DAGLA: variants seen among roughly 807,000 people sequenced by gnomAD.
DAGLA encodes diacylglycerol lipase alpha.
In DAGLA, 22 loss-of-function variants were observed where a neutral mutation model predicts 102.6. That is an observed-to-expected ratio of 0.21 (90% CI 0.15 to 0.31). The LOEUF (loss-of-function observed/expected upper bound fraction) is 0.31, where lower values mean the gene tolerates loss of function less well. DAGLA is among the 10% of genes least tolerant of loss of function. DAGLA has a pLI of 1.00. For missense variants in DAGLA, 927 were observed against 1,446.6 expected (o/e 0.64, Z 5.83); for synonymous variants, 578 against 628.9 (o/e 0.92, Z 1.21).
chr11:61,688,573 A>G lies in DAGLA; in HGVS notation c.-45+8069A>G, dbSNP rs72918050. Among the ~76,000 whole-genome samples, 373 of 152,222 alleles carry G rather than the reference A, an allele frequency of 2.5e-3. 3 individuals carry two copies. Among genetic ancestry groups the G allele is most frequent in the Non-Finnish European group, 3.4e-3 (233 of 68,008 alleles). The stretch of plus-strand genomic sequence containing the variant: ...GGCCCTGGTCTGTTGTCCTGGCTGG[A>G]TGAGCAGTGCCTGGGTCCTTGGAGG... On this transcript the variant is annotated intron_variant, in intron 1 of 19. Transcript: ENST00000257215.
intron 1 of DAGLA, among the ~76,000 whole-genome samples, chr11:61,704,414 C>A (rs2065133938): frequency 6.6e-6 from 1 of 152,216 alleles, no homozygotes; most frequent in Non-Finnish European, 1.5e-5. Flanking sequence ...GCCACTGTGC[C>A]CTGCCCGACC....
chr11:61,740,189 G>GGGC (rs1174684614), intron 17 of DAGLA, among the ~76,000 whole-genome samples: 3 of 152,232 alleles, frequency 2.0e-5, no homozygotes, highest in African/African-American at 7.2e-5. Flanking sequence ...CTGGTGAGCT[G>GGGC]GGCCGTGCAG....
At chr11:61,738,580 C>G (rs911081673) in intron 16 of DAGLA, among the ~76,000 whole-genome samples, 2 of 152,208 alleles carry the variant, frequency 1.3e-5, no homozygotes, top group African/African-American at 2.4e-5. Flanking sequence ...TCTGCCGAAG[C>G]CTCTGAGATT....
chr11:61,737,556 C>A, intron 14 of DAGLA, 131 bp from the exon 15 acceptor site: 2 of 1,072,182 alleles, frequency 1.9e-6, no homozygotes, highest in Non-Finnish European at 2.8e-6. Context: ...ACCCAGCCTG[C>A]CACCAGCCAG....
intron 4 of DAGLA, 38 bp from the exon 5 acceptor site, chr11:61,723,396 C>T (rs1179205829): frequency 6.3e-7 from 1 of 1,599,532 alleles, no homozygotes; most frequent in South Asian, 1.1e-5. Flanking sequence ...GAGGTGTCCC[C>T]AGCGCCCCTA....
Position 61,743,556 on chromosome 11 carries a change from C to T in DAGLA, c.2196C>T (p.Ser732=), listed in dbSNP as rs753514344. 1 of 1,543,026 alleles carries T rather than the reference C, an allele frequency of 6.5e-7. No homozygotes were observed. The highest frequency in any genetic ancestry group is 8.7e-7 in the Non-Finnish European group (1 of 1,151,412). Residue 732 remains serine (S), a synonymous_variant, in exon 20 of 20, where the codon AGC becomes AGT. Transcript: ENST00000257215. The part of the protein sequence containing the change: ...SVRSKSQSEM[S]LEGFSEGRLL... ...GGAGCAAGTCCCAGTCTGAGATGAG[C>T]CTGGAGGGCTTCTCGGAGGGGCGGC...
At chr11:61,718,629 A>C (rs2065256613) in intron 1 of DAGLA, among the ~76,000 whole-genome samples, 1 of 60,700 alleles carries the variant, frequency 1.6e-5, no homozygotes, top group Non-Finnish European at 3.2e-5. Context: ...CCCCACCACC[A>C]TGCTCCCTCA....
In DAGLA at chr11:61,743,558, T is replaced by C. The variant is rs1647963067; in HGVS notation, c.2198T>C (p.Leu733Pro). The C allele has an allele frequency of 1.9e-6, 3 of 1,544,256 alleles. No homozygotes were observed. Among genetic ancestry groups the C allele is most frequent in the Non-Finnish European group, 2.6e-6 (3 of 1,151,936 alleles). The change falls in exon 20 of 20, where the codon CTG becomes CCG. Residue 733 changes from leucine (L) to proline (P), a missense_variant. Around this residue, in one of 4 missense-constraint regions of DAGLA, gnomAD observed 434 missense variants for 503.3 expected, o/e 0.86. Coordinates refer to ENST00000257215, the MANE Select transcript of DAGLA (RefSeq NM_006133.3). The part of the protein sequence containing the change: ...VRSKSQSEMS[L>P]EGFSEGRLLS... Reference sequence around the variant, plus strand: ...AGCAAGTCCCAGTCTGAGATGAGCCTGGAGGGCTTCTCGGAGGGGCGGCTG... The same window carrying C: ...AGCAAGTCCCAGTCTGAGATGAGCCCGGAGGGCTTCTCGGAGGGGCGGCTG...
In DAGLA at chr11:61,744,754, G is replaced by A. The variant is rs2065522923; in HGVS notation, c.*265G>A. ...GAGGAGCCTGGGCAGCCTGCTGGGT[G>A]GGCCACACTCAGCCTGACTGCCCTC... On this transcript the variant is annotated 3_prime_UTR_variant, in exon 20 of 20. Coordinates refer to ENST00000257215, the MANE Select transcript of DAGLA (RefSeq NM_006133.3). The A allele has an allele frequency of 4.7e-6, 2 of 428,782 alleles. No homozygotes were observed. The highest frequency in any genetic ancestry group is 8.3e-6 in the Non-Finnish European group (2 of 240,832). The allele number at this position is 428,782 out of a possible 1,614,324, so 26.6% of individuals were successfully genotyped here.
intron 1 of DAGLA, among the ~76,000 whole-genome samples, chr11:61,696,140 C>A (rs1438189030): frequency 6.6e-6 from 1 of 152,166 alleles, no homozygotes; most frequent in Non-Finnish European, 1.5e-5. Flanking sequence ...CTCTCACCCT[C>A]TGCGGGAGGG....
intron 1 of DAGLA, among the ~76,000 whole-genome samples, chr11:61,700,170 C>T (rs1356814616): frequency 6.6e-6 from 1 of 152,230 alleles, no homozygotes; most frequent in Admixed American, 6.5e-5. Context: ...CAGAGCCCTC[C>T]TGTTGGGGCA....
Position 61,686,706 on chromosome 11 carries a change from G to A in DAGLA, c.-45+6202G>A, listed in dbSNP as rs2064987545. 6.6e-6 allele frequency among the ~76,000 whole-genome samples: 1 copy of A among 152,214 alleles called. No homozygotes were observed. The highest frequency in any genetic ancestry group is 1.9e-4 in the East Asian group (1 of 5,190). On this transcript the variant is annotated intron_variant, in intron 1 of 19. Transcript: ENST00000257215. This position sits in a 1 kb window ranked among gnomAD's most constrained non-coding sequence, Gnocchi z 5.2. ...CCCTCCGCTGTGTAAGGTGAGACAG[G>A]ATGCTGCCTCGAATTCATCCTGAAT...
At chr11:61,713,455 T>A (rs1317333919) in intron 1 of DAGLA, among the ~76,000 whole-genome samples, 1 of 152,164 alleles carries the variant, frequency 6.6e-6, no homozygotes, top group Non-Finnish European at 1.5e-5. Context: ...TTCATAAATG[T>A]TAGGAGAACC....
At chr11:61,697,931 C>T (rs1456231139) in intron 1 of DAGLA, among the ~76,000 whole-genome samples, 1 of 152,220 alleles carries the variant, frequency 6.6e-6, no homozygotes, top group Non-Finnish European at 1.5e-5. Context: ...TTCTTGGACC[C>T]TCCATTTCCT....
intron 18 of DAGLA, 152 bp downstream of exon 18, chr11:61,740,744 A>C: frequency 9.7e-7 from 1 of 1,026,792 alleles, no homozygotes; most frequent in Non-Finnish European, 1.4e-6. Flanking sequence ...CCCCACTCAA[A>C]TACTTCAACC....
intron 19 of DAGLA, among the ~76,000 whole-genome samples, chr11:61,742,408 G>A (rs2065488315): frequency 6.6e-6 from 1 of 152,172 alleles, no homozygotes; most frequent in Admixed American, 6.5e-5. Context: ...CTGCTTCCTG[G>A]CCCTTGGTAG....
intron 1 of DAGLA, among the ~76,000 whole-genome samples, chr11:61,719,723 G>A (rs1380203799): frequency 6.6e-6 from 1 of 152,242 alleles, no homozygotes; most frequent in Non-Finnish European, 1.5e-5. Context: ...TGACTCCAAG[G>A]ACAGTGTGCA....
At chr11:61,721,229 A>G (rs1257986390) in intron 3 of DAGLA, among the ~76,000 whole-genome samples, 1 of 152,076 alleles carries the variant, frequency 6.6e-6, no homozygotes, top group Non-Finnish European at 1.5e-5. Flanking sequence ...CCCCGTCTCT[A>G]CTAAAAATAC....
intron 15 of DAGLA, 113 bp from the exon 16 acceptor site, chr11:61,738,022 G>T: frequency 1.2e-6 from 1 of 842,960 alleles, no homozygotes; most frequent in South Asian, 1.5e-5. Flanking sequence ...CCTGGCTGAC[G>T]TGTCTTCTTG....
Sources: allele counts gnomAD v4.1 joint callset (sites outside exome capture counted in the v4.1 genomes callset), GRCh38; gene constraint gnomAD v4.1.1; regional missense constraint gnomAD v4.1.1; non-coding constraint Gnocchi (gnomAD v3.1); transcripts MANE v1.5; gene names NCBI Gene and HGNC (gene_info 2026-07-23, HGNC 2026-07-21).